Variants in COBL observed in about 807,000 individuals in gnomAD.
COBL encodes cordon-bleu WH2 repeat protein, also known as protein cordon-bleu.
Under a neutral mutation model 98.8 loss-of-function variants are expected in COBL, and 51 were observed. The observed-to-expected ratio is 0.52, with a 90% CI of 0.41 to 0.65. The LOEUF (loss-of-function observed/expected upper bound fraction) is 0.65, where lower values mean the gene tolerates loss of function less well. COBL is among the 30% of genes least tolerant of loss of function. The pLI, the probability that COBL is intolerant of heterozygous loss-of-function variation, is 0.00. For missense variants in COBL, 1,617 were observed against 1,617.5 expected (o/e 1.00, Z 0.01); for synonymous variants, 634 against 651.7 (o/e 0.97, Z 0.41).
chr7:51,308,698 C>T (rs1264770904), intron 1 of COBL, among the ~76,000 whole-genome samples: 1 of 152,154 alleles, frequency 6.6e-6, no homozygotes, highest in Non-Finnish European at 1.5e-5. Flanking sequence ...CTCTGACTTT[C>T]CCAGGTGCAA....
At chr7:51,232,506 A>AT (rs758885884) in intron 1 of COBL, among the ~76,000 whole-genome samples, 1 of 151,992 alleles carries the variant, frequency 6.6e-6, no homozygotes, top group Non-Finnish European at 1.5e-5. Context: ...GGGGATTCTT[A>AT]TTTTCTTAAG....
At chr7:51,083,403 A>G (rs1021032387) in intron 7 of COBL, among the ~76,000 whole-genome samples, 13 of 152,172 alleles carry the variant, frequency 8.5e-5, no homozygotes, top group Admixed American at 3.3e-4. Flanking sequence ...TCTGGCACCA[A>G]CCACATCCAA....
chr7:51,120,316 T>C (rs1232748376), intron 6 of COBL, among the ~76,000 whole-genome samples: 1 of 152,110 alleles, frequency 6.6e-6, no homozygotes, highest in Non-Finnish European at 1.5e-5. Flanking sequence ...GTTTCAGGCA[T>C]CAGTGAACCT....
intron 4 of COBL, among the ~76,000 whole-genome samples, chr7:51,184,714 C>T (rs1184322053): frequency 6.6e-6 from 1 of 152,204 alleles, no homozygotes; most frequent in Non-Finnish European, 1.5e-5. Context: ...TTTAGGCTTA[C>T]AGCATATCAG....
chr7:51,300,804 G>C (rs1250117053), intron 1 of COBL, among the ~76,000 whole-genome samples: 1 of 152,044 alleles, frequency 6.6e-6, no homozygotes, highest in Admixed American at 6.5e-5. Flanking sequence ...AACCTTACTC[G>C]TTCCTGCCAT....
intron 6 of COBL, among the ~76,000 whole-genome samples, chr7:51,091,915 A>T: frequency 6.6e-6 from 1 of 152,224 alleles, no homozygotes; most frequent in East Asian, 1.9e-4. Flanking sequence ...CCACCTGCCA[A>T]TCAAGGATAC....
intron 1 of COBL, among the ~76,000 whole-genome samples, chr7:51,314,454 C>G (rs1803342450): frequency 6.6e-6 from 1 of 152,200 alleles, no homozygotes; most frequent in African/African-American, 2.4e-5. Flanking sequence ...CTGCCTGCCA[C>G]CAATAATGTA....
chr7:51,210,457 C>T (rs889515786), intron 2 of COBL, among the ~76,000 whole-genome samples: 1 of 152,182 alleles, frequency 6.6e-6, no homozygotes, highest in Non-Finnish European at 1.5e-5. Flanking sequence ...CCCAGGACAG[C>T]GGGGCTTCCA....
chr7:51,214,411 A>T (rs1792817133), intron 2 of COBL, among the ~76,000 whole-genome samples: 1 of 152,110 alleles, frequency 6.6e-6, no homozygotes, highest in South Asian at 2.1e-4. Flanking sequence ...TCCAGATGGG[A>T]TGTGTTACCT....
At position 51,156,189 on chromosome 7, in the gene COBL, T is replaced by C. The variant is rs73697817; in HGVS notation, c.784-19858A>G. On this transcript the variant is annotated intron_variant, in intron 5 of 12. Coordinates refer to ENST00000265136, the MANE Select transcript of COBL (RefSeq NM_015198.5). ...GATTTTTGTAGTTCAACCAAAATAC[T>C]CTGCACACACACACACACACACAAA... 1,646 of 981,026 alleles carry C rather than the reference T, an allele frequency of 1.7e-3. 24 individuals carry two copies. The African/African-American group carries it at 0.026, about 16-fold the overall frequency. The allele number at this position is 981,026 out of a possible 1,614,324, so 60.8% of individuals were successfully genotyped here. A position where few individuals can be genotyped will look rare whatever the true frequency, so the allele number is the denominator to read the frequency against.
At chr7:51,173,405 A>G (rs1166135688) in intron 5 of COBL, among the ~76,000 whole-genome samples, 1 of 151,248 alleles carries the variant, frequency 6.6e-6, no homozygotes, top group Non-Finnish European at 1.5e-5. Flanking sequence ...CTGTTCTCAA[A>G]CCCCTGAGCT....
At position 51,244,398 on chromosome 7, in the gene COBL, C is replaced by G. The variant is rs546851358; in HGVS notation, c.42-24454G>C. 1.4e-3 allele frequency among the ~76,000 whole-genome samples: 219 copies of G among 152,338 alleles called. 2 individuals carry two copies. The highest frequency in any genetic ancestry group is 4.8e-3 in the Admixed American group (73 of 15,302). ...TTTCAAATACTTCATGGTTTCTTGA[C>G]TTGTTCAATCACACGGCCTTCTTTG... On this transcript the variant is annotated intron_variant, in intron 1 of 12. Coordinates refer to ENST00000265136, the MANE Select transcript of COBL (RefSeq NM_015198.5).
chr7:51,310,597 G>C (rs933955372), intron 1 of COBL, among the ~76,000 whole-genome samples: 1 of 152,198 alleles, frequency 6.6e-6, no homozygotes, highest in Non-Finnish European at 1.5e-5. Flanking sequence ...GAAGACAAGA[G>C]ATGGGATCGA....
At chr7:51,238,322 C>G (rs561574165) in intron 1 of COBL, among the ~76,000 whole-genome samples, 2 of 152,284 alleles carry the variant, frequency 1.3e-5, no homozygotes, top group East Asian at 1.9e-4. Flanking sequence ...CTCCGGGGTC[C>G]TTTCCCTGCA....
chr7:51,185,316 C>T (rs1437625605), intron 4 of COBL, among the ~76,000 whole-genome samples: 1 of 152,214 alleles, frequency 6.6e-6, no homozygotes, highest in Non-Finnish European at 1.5e-5. Context: ...ACTACACAGT[C>T]AAACTAGCCC....
At chr7:51,097,128 G>C (rs1795336496) in intron 6 of COBL, among the ~76,000 whole-genome samples, 1 of 151,930 alleles carries the variant, frequency 6.6e-6, no homozygotes. Flanking sequence ...CACAATAAAA[G>C]GATTATACAC....
chr7:51,235,287 TGATGTACCCA>T (rs1318936981), intron 1 of COBL, among the ~76,000 whole-genome samples: 2 of 152,148 alleles, frequency 1.3e-5, no homozygotes, highest in Non-Finnish European at 2.9e-5. Flanking sequence ...GGCGATTCCT[TGATGTACCCA>T]GTCTTTCTTG....
At chr7:51,128,813 C>CCAGCAGCAG (rs577957270) in intron 6 of COBL, among the ~76,000 whole-genome samples, 3 of 152,092 alleles carry the variant, frequency 2.0e-5, no homozygotes, top group African/African-American at 7.2e-5. Context: ...CCTGGCCATT[C>CCAGCAGCAG]CAGCAGCAGC....
chr7:51,264,270 G>A (rs1797975532), intron 1 of COBL, among the ~76,000 whole-genome samples: 1 of 152,146 alleles, frequency 6.6e-6, no homozygotes, highest in South Asian at 2.1e-4. Flanking sequence ...TTCCTTTAGG[G>A]GCCTGGCTGA....
Sources: gnomAD v4.1 joint callset for allele counts (sites outside exome capture counted in the v4.1 genomes callset) on GRCh38, gnomAD v4.1.1 for gene constraint, MANE v1.5 for transcripts, NCBI Gene and HGNC (gene_info 2026-07-23, HGNC 2026-07-21) for gene names.